NEGR1: variants seen among roughly 807,000 people sequenced by gnomAD.
The protein encoded by NEGR1 is neuronal growth regulator 1, also known as IgLON family member 4.
Under a neutral mutation model 40.9 loss-of-function variants are expected in NEGR1, and 10 were observed. That is an observed-to-expected ratio of 0.24 (90% CI 0.15 to 0.42). NEGR1 has a LOEUF of 0.42. NEGR1 is among the 10% of genes least tolerant of loss of function. The probability of loss-of-function intolerance (pLI) is 1.00; values close to 1 mark genes in which losing one functional copy is unlikely to be tolerated. For synonymous variants in NEGR1, 185 were observed against 166.8 expected, an observed-to-expected ratio of 1.11 and a Z score of -0.84; for missense variants, 352 against 438.9, an observed-to-expected ratio of 0.80 and a Z score of 1.77.
chr1:71,737,290 G>A (rs1038174797), intron 3 of NEGR1, among the ~76,000 whole-genome samples: 1 of 151,296 alleles, frequency 6.6e-6, no homozygotes, highest in African/African-American at 2.4e-5. Flanking sequence ...TTCTGGTCTT[G>A]ATTTCCCTAC....
chr1:72,155,734 C>T (rs77417397), intron 1 of NEGR1, among the ~76,000 whole-genome samples: 190 of 152,122 alleles, frequency 1.2e-3, no homozygotes, highest in African/African-American at 4.4e-3. Flanking sequence ...GACAAATTTC[C>T]TATCTAAAAT....
At chr1:71,633,818 A>G (rs969013080) in intron 4 of NEGR1, among the ~76,000 whole-genome samples, 7 of 152,034 alleles carry the variant, frequency 4.6e-5, no homozygotes, top group African/African-American at 1.7e-4. Flanking sequence ...CCCTGGAGGA[A>G]GTTGTACAAA....
chr1:71,458,084 C>T (rs1040916692), intron 6 of NEGR1, among the ~76,000 whole-genome samples: 2 of 152,128 alleles, frequency 1.3e-5, no homozygotes, highest in Admixed American at 6.5e-5. Context: ...GTCTTTTATC[C>T]TAGATCTATT....
At chr1:72,275,783 GAGA>G (rs1312553529) in intron 1 of NEGR1, among the ~76,000 whole-genome samples, 4 of 152,080 alleles carry the variant, frequency 2.6e-5, no homozygotes, top group African/African-American at 9.7e-5. Context: ...AGAAGTAAAC[GAGA>G]AGGTCACCAC....
intron 1 of NEGR1, among the ~76,000 whole-genome samples, chr1:72,080,277 A>C (rs148159222): frequency 1.5e-3 from 232 of 152,254 alleles, no homozygotes; most frequent in Middle Eastern, 6.8e-3. Context: ...ATAGGCTTAT[A>C]GTATTTTGAA....
intron 2 of NEGR1, among the ~76,000 whole-genome samples, chr1:71,814,325 G>C (rs1022080646): frequency 3.3e-5 from 5 of 152,054 alleles, no homozygotes; most frequent in African/African-American, 9.7e-5. Context: ...GTATTTTATT[G>C]AGGATTTTTG....
chr1:72,074,558 G>A (rs1400416264), intron 1 of NEGR1, among the ~76,000 whole-genome samples: 1 of 151,654 alleles, frequency 6.6e-6, no homozygotes, highest in Admixed American at 6.6e-5. Flanking sequence ...CTACTTCTAC[G>A]TCATTAAAAA....
intron 2 of NEGR1, among the ~76,000 whole-genome samples, chr1:71,881,206 A>G (rs1208032963): frequency 6.6e-6 from 1 of 152,052 alleles, no homozygotes; most frequent in Non-Finnish European, 1.5e-5. Context: ...TAAATGTTTT[A>G]TGACTGACTT....
At chr1:71,969,168 C>T (rs1357412985) in intron 1 of NEGR1, among the ~76,000 whole-genome samples, 2 of 152,094 alleles carry the variant, frequency 1.3e-5, no homozygotes, top group South Asian at 2.1e-4. Flanking sequence ...GCACCCGCCA[C>T]CACGCCCAGC....
intron 2 of NEGR1, among the ~76,000 whole-genome samples, chr1:71,905,006 C>G (rs1002447713): frequency 6.6e-6 from 1 of 152,036 alleles, no homozygotes; most frequent in African/African-American, 2.4e-5. Context: ...CATCTTAATT[C>G]TCTATATATT....
At chr1:71,605,349 T>C (rs2101536341) in intron 5 of NEGR1, among the ~76,000 whole-genome samples, 1 of 152,224 alleles carries the variant, frequency 6.6e-6, no homozygotes, top group East Asian at 1.9e-4. Flanking sequence ...TCAGAAAGCA[T>C]GTATTTCTAG....
intron 2 of NEGR1, among the ~76,000 whole-genome samples, chr1:71,796,777 G>T (rs373984345): frequency 2.0e-5 from 3 of 152,046 alleles, no homozygotes; most frequent in Non-Finnish European, 2.9e-5. Flanking sequence ...TGTACAAAAA[G>T]ACATCACAAA....
chr1:71,776,842 T>A (rs1037779601), intron 2 of NEGR1, among the ~76,000 whole-genome samples: 1 of 152,076 alleles, frequency 6.6e-6, no homozygotes, highest in African/African-American at 2.4e-5. Flanking sequence ...TTCTCAAAAT[T>A]TGTGTTCTAA....
In NEGR1 at chr1:71,736,798, G is replaced by C. The variant is rs535563980; in HGVS notation, c.536-38659C>G. 6.6e-5 allele frequency among the ~76,000 whole-genome samples: 10 copies of C among 152,294 alleles called. No individual in the cohort carries two copies. In the East Asian group the frequency reaches 1.9e-3, roughly 29 times the overall value. ...AGAACTAAATATTTGCTGAAGAATT[G>C]AATGCATTTTTAGATATGCAGAAGG... is the stretch of plus-strand genomic sequence containing the variant. On this transcript the variant is annotated intron_variant, in intron 3 of 6. Transcript: ENST00000357731.
intron 2 of NEGR1, among the ~76,000 whole-genome samples, chr1:71,897,740 T>C (rs1199167884): frequency 6.6e-6 from 1 of 152,142 alleles, no homozygotes. Flanking sequence ...GTTTTTTTTG[T>C]TTGTGTGTTT....
chr1:71,816,470 G>A (rs1046557738), intron 2 of NEGR1, among the ~76,000 whole-genome samples: 9 of 152,066 alleles, frequency 5.9e-5, no homozygotes, highest in Admixed American at 3.9e-4. Context: ...GAGGAGCAAA[G>A]GCATGTCTTA....
chr1:72,116,781 A>G (rs925703323), intron 1 of NEGR1, among the ~76,000 whole-genome samples: 11 of 151,776 alleles, frequency 7.2e-5, no homozygotes, highest in African/African-American at 2.7e-4. Flanking sequence ...AAAAGTGTTT[A>G]CATTATTTAT....
At chr1:72,189,187 T>C (rs899915526) in intron 1 of NEGR1, among the ~76,000 whole-genome samples, 1 of 151,504 alleles carries the variant, frequency 6.6e-6, no homozygotes, top group African/African-American at 2.4e-5. Flanking sequence ...CTTTTAAATA[T>C]GTAATTACGT....
intron 1 of NEGR1, among the ~76,000 whole-genome samples, chr1:72,127,182 G>T (rs1273062190): frequency 6.6e-6 from 1 of 152,102 alleles, no homozygotes; most frequent in Non-Finnish European, 1.5e-5. Context: ...GGCCAGGCGC[G>T]GTGGCTCACG....
Sources: allele counts gnomAD v4.1 joint callset (sites outside exome capture counted in the v4.1 genomes callset), GRCh38; gene constraint gnomAD v4.1.1; transcripts MANE v1.5; gene names NCBI Gene and HGNC (gene_info 2026-07-23, HGNC 2026-07-21).